The following ADD1 variants were observed in gnomAD, a reference collection of about 807,000 sequenced individuals.
The protein encoded by ADD1 is adducin 1, also known as alpha-adducin.
Under a neutral mutation model 80.5 loss-of-function variants are expected in ADD1, and 24 were observed. That is an observed-to-expected ratio of 0.30 (90% CI 0.22 to 0.42). The LOEUF (loss-of-function observed/expected upper bound fraction) is 0.42. Among genes scored for constraint, ADD1 ranks in the 10% least tolerant of loss-of-function variants. The probability of loss-of-function intolerance (pLI) is 1.00; values close to 1 mark genes in which losing one functional copy is unlikely to be tolerated. For synonymous variants in ADD1, 373 were observed against 393.8 expected, an observed-to-expected ratio of 0.95 and a Z score of 0.63; for missense variants, 948 against 1,019.0, an observed-to-expected ratio of 0.93 and a Z score of 0.95.
At chr4:2,858,709 C>G (rs1728425718) in intron 1 of ADD1, among the ~76,000 whole-genome samples, 1 of 152,200 alleles carries the variant, frequency 6.6e-6, no homozygotes, top group Non-Finnish European at 1.5e-5. Context: ...ACACCCAAGG[C>G]CAGGCAGTGG....
chr4:2,895,914 G>A (rs1735118898), intron 6 of ADD1, among the ~76,000 whole-genome samples: 1 of 149,834 alleles, frequency 6.7e-6, no homozygotes, highest in African/African-American at 2.5e-5. Flanking sequence ...TTGAGACGGA[G>A]TCTCGCTCTG....
intron 1 of ADD1, among the ~76,000 whole-genome samples, chr4:2,869,484 C>T (rs759093181): frequency 6.6e-6 from 1 of 152,182 alleles, no homozygotes; most frequent in Non-Finnish European, 1.5e-5. Flanking sequence ...TAACTAATTA[C>T]ATCTGTAGCG....
chr4:2,882,435 G>A (rs963745500), intron 3 of ADD1, among the ~76,000 whole-genome samples: 1 of 152,234 alleles, frequency 6.6e-6, no homozygotes, highest in African/African-American at 2.4e-5. Flanking sequence ...TAGTGAGAAA[G>A]AGAAATTCTA....
chr4:2,883,174 A>G (rs1732661759), intron 3 of ADD1, among the ~76,000 whole-genome samples: 2 of 152,082 alleles, frequency 1.3e-5, no homozygotes, highest in African/African-American at 4.8e-5. Flanking sequence ...TTTCGTCTGT[A>G]TTAATTAGCA....
chr4:2,882,104 G>A (rs1190572248), intron 3 of ADD1, 44 bp downstream of exon 3: 1 of 1,519,632 alleles, frequency 6.6e-7, no homozygotes, highest in Non-Finnish European at 8.8e-7. Flanking sequence ...TAGTTTTCAG[G>A]TAAAATTTCC....
At chr4:2,878,994 A>G (rs1161237965) in intron 2 of ADD1, among the ~76,000 whole-genome samples, 3 of 152,086 alleles carry the variant, frequency 2.0e-5, no homozygotes, top group Admixed American at 6.5e-5. Context: ...GAAGAGAGAC[A>G]TGGTTACTAG....
chr4:2,878,407 G>A (rs1731699949), intron 2 of ADD1, among the ~76,000 whole-genome samples: 2 of 152,118 alleles, frequency 1.3e-5, no homozygotes, highest in Admixed American at 1.3e-4. Flanking sequence ...GGATGGGGTG[G>A]AAGAAGTGAA....
chr4:2,881,885 T>C lies in ADD1; in HGVS notation c.196-13T>C. On this transcript the variant is annotated splice_polypyrimidine_tract_variant and intron_variant, in intron 2 of 15. Coordinates refer to ENST00000683351, the MANE Select transcript of ADD1 (RefSeq NM_001354761.2). ...AATAAATGGTATCTCAGTGTTTTAA[T>C]ATTTTTTATTAGGCTTTCTGTGAAG... 6.3e-7 allele frequency: 1 copy of C among 1,590,096 alleles called. No individual in the cohort carries two copies. Among genetic ancestry groups the C allele is most frequent in the South Asian group, 1.2e-5 (1 of 86,662 alleles).
At chr4:2,876,213 C>A in intron 2 of ADD1, 103 bp downstream of exon 2, 1 of 1,140,960 alleles carries the variant, frequency 8.8e-7, no homozygotes, top group Non-Finnish European at 1.2e-6. Context: ...TTGATCTTAT[C>A]ACAGGAAATC....
chr4:2,904,403 A>G (rs148881261), intron 9 of ADD1, among the ~76,000 whole-genome samples: 110 of 152,322 alleles, frequency 7.2e-4, no homozygotes, highest in Non-Finnish European at 1.1e-3. Context: ...TGTTCTTTGC[A>G]GGTTGGTCTC....
intron 4 of ADD1, among the ~76,000 whole-genome samples, chr4:2,888,790 T>C (rs990524324): frequency 2.6e-5 from 4 of 152,092 alleles, no homozygotes; most frequent in African/African-American, 9.7e-5. Context: ...TCAATATCAA[T>C]TTGAGCAAAT....
chr4:2,907,263 A>G (rs1737218909), intron 10 of ADD1: 1 of 155,096 alleles, frequency 6.4e-6, no homozygotes, highest in African/African-American at 2.4e-5. Flanking sequence ...ATTTACTTTA[A>G]TGCAAAACTT....
intron 8 of ADD1, 197 bp from the exon 9 acceptor site, chr4:2,899,062 T>C: frequency 1.7e-6 from 1 of 596,730 alleles, no homozygotes; most frequent in Non-Finnish European, 2.9e-6. Context: ...CCAACTTTGG[T>C]GCCCAATATT....
chr4:2,852,579 A>G (rs1727456423), intron 1 of ADD1, among the ~76,000 whole-genome samples: 1 of 151,776 alleles, frequency 6.6e-6, no homozygotes, highest in South Asian at 2.1e-4. Context: ...ACTGAAGCAC[A>G]CATACTTTGA....
chr4:2,875,434 T>C (rs1731121064), intron 1 of ADD1, among the ~76,000 whole-genome samples: 1 of 152,194 alleles, frequency 6.6e-6, no homozygotes, highest in South Asian at 2.1e-4. Context: ...TTCTCTTCTG[T>C]TGATCTGTTT....
chr4:2,929,476 A>C lies in ADD1; in HGVS notation c.*953A>C, dbSNP rs143763593. 1 of 152,446 alleles carries C rather than the reference A, an allele frequency of 6.6e-6. No homozygotes were observed. Among genetic ancestry groups the C allele is most frequent in the East Asian group, 1.9e-4 (1 of 5,194 alleles). 9.4% of individuals were successfully genotyped at this position (152,446 alleles called of 1,614,324 possible). On this transcript the variant is annotated 3_prime_UTR_variant, in exon 16 of 16. Coordinates refer to ENST00000683351, the MANE Select transcript of ADD1 (RefSeq NM_001354761.2). ...CCTGGGGCCCCTCGACATCACCGTCATTGATGGAGCCTGAACCGTGTGCTC... is the reference window on the plus strand; with the variant it reads ...CCTGGGGCCCCTCGACATCACCGTCCTTGATGGAGCCTGAACCGTGTGCTC...
chr4:2,881,400 T>C (rs1732308924), intron 2 of ADD1, among the ~76,000 whole-genome samples: 1 of 152,196 alleles, frequency 6.6e-6, no homozygotes, highest in African/African-American at 2.4e-5. Context: ...TTTTAATCTT[T>C]TTCTATGTTT....
At chr4:2,863,038 T>G (rs1006727755) in intron 1 of ADD1, among the ~76,000 whole-genome samples, 1 of 151,912 alleles carries the variant, frequency 6.6e-6, no homozygotes. Flanking sequence ...CCCCTCTACC[T>G]CAGTACTGTC....
At chr4:2,916,666 C>T (rs1198351945) in intron 14 of ADD1, among the ~76,000 whole-genome samples, 2 of 152,176 alleles carry the variant, frequency 1.3e-5, no homozygotes, top group Non-Finnish European at 2.9e-5. Context: ...AGGTATTTCT[C>T]CTGATGCTAT....
Sources: gnomAD v4.1 joint callset for allele counts (sites outside exome capture counted in the v4.1 genomes callset) on GRCh38, gnomAD v4.1.1 for gene constraint, MANE v1.5 for transcripts, NCBI Gene and HGNC (gene_info 2026-07-23, HGNC 2026-07-21) for gene names.